The following EXOC1 variants were observed in gnomAD, a reference collection of about 807,000 sequenced individuals.
The protein encoded by EXOC1 is exocyst complex component 1, also known as SEC3-like 1.
A neutral mutation model predicts 107.7 loss-of-function variants in EXOC1; 67 were observed. The ratio of observed to expected loss-of-function variants is 0.62; its 90% CI spans 0.51 to 0.76. EXOC1 has a LOEUF of 0.76. EXOC1 is among the 30% of genes least tolerant of loss of function. EXOC1 has a pLI of 0.00. For missense variants in EXOC1, 833 were observed against 1,055.7 expected, an observed-to-expected ratio of 0.79 and a Z score of 2.92; for synonymous variants, 348 against 353.5, an observed-to-expected ratio of 0.98 and a Z score of 0.17.
intron 2 of EXOC1, 35 bp from the exon 3 acceptor site, chr4:55,860,376 A>G (rs1721361316): frequency 6.2e-7 from 1 of 1,610,624 alleles, no homozygotes; most frequent in Non-Finnish European, 8.5e-7. Context: ...GAAAGGGGTA[A>G]TATTTCTAAT....
In EXOC1 at chr4:55,896,904, A is replaced by G; in HGVS notation, c.2137+4A>G. On this transcript the variant is annotated splice_donor_region_variant and intron_variant, in intron 16 of 18. Transcript: ENST00000381295. ...ATCAGAGGAGTATTTGTTAATGGTAAGCTTTTGTTATGTTCTAAAGAATTG... is the reference window on the plus strand; with the variant it reads ...ATCAGAGGAGTATTTGTTAATGGTAGGCTTTTGTTATGTTCTAAAGAATTG... 1 of 1,579,566 alleles carries G rather than the reference A, an allele frequency of 6.3e-7. No individual in the cohort carries two copies. Among genetic ancestry groups the G allele is most frequent in the Middle Eastern group, 1.7e-4 (1 of 5,960 alleles).
rs371361813 is a variant in EXOC1 at position 55,890,347 on chromosome 4, C to T, written c.1500C>T (p.Ala500=). 4 of 1,613,816 alleles carry T rather than the reference C, an allele frequency of 2.5e-6. No homozygotes were observed. In the African/African-American group the frequency reaches 4.0e-5, roughly 16 times the overall value. Residue 500 remains alanine (A), a synonymous_variant, in exon 12 of 19, where the codon GCC becomes GCT. Transcript: ENST00000381295. Reference sequence around the variant, plus strand: ...TGTTGGATATGGGAAACATGTCTGCCTCTGATCTCGATGTTGCTGACAGGA... The same window carrying T: ...TGTTGGATATGGGAAACATGTCTGCTTCTGATCTCGATGTTGCTGACAGGA... The part of the protein sequence containing the change: ...SSLLDMGNMS[A]SDLDVADRTK...
chr4:55,877,535 A>G, intron 8 of EXOC1: 3 of 985,148 alleles, frequency 3.0e-6, no homozygotes, highest in Non-Finnish European at 3.6e-6. Flanking sequence ...GTTTTGAATG[A>G]TTTCTCTATT....
Position 55,858,345 on chromosome 4 carries a change from T to C in EXOC1, c.22T>C (p.Leu8=). MTAIKHA[L]QRDIFTPNDE... ...AAAGATGACAGCAATCAAGCATGCA[T>C]TACAAAGAGACATTTTTACACCAAA... The change falls in exon 2 of 19, where the codon TTA becomes CTA. Residue 8 remains leucine, a synonymous_variant. Coordinates refer to ENST00000381295, the MANE Select transcript of EXOC1 (RefSeq NM_001024924.2). The C allele has an allele frequency of 6.2e-7, 1 of 1,609,030 alleles. No homozygotes were observed. The highest frequency in any genetic ancestry group is 8.5e-7 in the Non-Finnish European group (1 of 1,177,814).
intron 5 of EXOC1, among the ~76,000 whole-genome samples, chr4:55,868,915 A>G (rs781371657): frequency 1.3e-5 from 2 of 152,232 alleles, no homozygotes; most frequent in Non-Finnish European, 2.9e-5. Flanking sequence ...AAGTATAAAG[A>G]GAGAAATGTG....
rs751607358 is a variant in EXOC1 at position 55,893,544 on chromosome 4, C to G, written c.1725-8C>G. ...TAACTTTATACTTCTTGTCTGTTTT[C>G]TGAACAGGAAAGATATGATCCGCCA... is the stretch of plus-strand genomic sequence containing the variant. On this transcript the variant is annotated splice_polypyrimidine_tract_variant and splice_region_variant and intron_variant, in intron 14 of 18. Transcript: ENST00000381295. The G allele has an allele frequency of 1.2e-6, 2 of 1,609,584 alleles. No homozygotes were observed. Among genetic ancestry groups the G allele is most frequent in the South Asian group, 2.2e-5 (2 of 90,546 alleles).
chr4:55,877,002 A>T, intron 8 of EXOC1: 1 of 985,354 alleles, frequency 1.0e-6, no homozygotes, highest in Non-Finnish European at 1.2e-6. Flanking sequence ...CTAGGCCAGA[A>T]ATGTTTCCTT....
intron 10 of EXOC1, chr4:55,885,748 G>C (rs1723815456): frequency 6.6e-6 from 1 of 152,138 alleles, no homozygotes; most frequent in Non-Finnish European, 1.5e-5. Context: ...TACAGGAGAA[G>C]AAAAACTAAA....
At chr4:55,878,999 GAC>G (rs2110350850) in intron 9 of EXOC1, among the ~76,000 whole-genome samples, 1 of 152,272 alleles carries the variant, frequency 6.6e-6, no homozygotes, top group South Asian at 2.1e-4. Flanking sequence ...CCAAAAGAGA[GAC>G]TCCAACAGCA....
Position 55,888,312 on chromosome 4 carries a change from T to C in EXOC1, c.1331-576T>C, listed in dbSNP as rs1577744494. On this transcript the variant is annotated intron_variant, in intron 10 of 18. Coordinates refer to ENST00000381295, the MANE Select transcript of EXOC1 (RefSeq NM_001024924.2). ...GTGTTATGATATATATCTTTCATTC[T>C]GAGCACTCACAAAGCCAGTGATTAA... Among the ~76,000 whole-genome samples, 2 of 152,326 alleles carry C rather than the reference T, an allele frequency of 1.3e-5. 1 individual carries two copies. Among genetic ancestry groups the C allele is most frequent in the East Asian group, 3.9e-4 (2 of 5,188 alleles).
At position 55,860,373 on chromosome 4, in the gene EXOC1, G is replaced by A. The variant is rs368361990; in HGVS notation, c.125-38G>A. On this transcript the variant is annotated intron_variant, in intron 2 of 18. Coordinates refer to ENST00000381295, the MANE Select transcript of EXOC1 (RefSeq NM_001024924.2). ...AGTGAATGAAGAATGAGTGAAAGGGGTAATATTTCTAATAAAAGTGTGCGT... is the reference window on the plus strand; with the variant it reads ...AGTGAATGAAGAATGAGTGAAAGGGATAATATTTCTAATAAAAGTGTGCGT... The A allele has an allele frequency of 7.5e-5, 120 of 1,609,538 alleles. No individual in the cohort carries two copies. The African/African-American group carries it at 1.4e-3, about 19-fold the overall frequency.
rs1440025443 is a variant in EXOC1, at chr4:55,853,681, G to A, written c.-283G>A. ...CACGTGCCCGGATATAGGAAGTGTT[G>A]GGGGAACGGCCGCTTCCCGTTCAAC... is the stretch of plus-strand genomic sequence containing the variant. On this transcript the variant is annotated 5_prime_UTR_variant, in exon 1 of 19. Coordinates refer to ENST00000381295, the MANE Select transcript of EXOC1 (RefSeq NM_001024924.2). 6.6e-6 allele frequency: 1 copy of A among 152,242 alleles called. No homozygotes were observed. The highest frequency in any genetic ancestry group is 2.4e-5 in the African/African-American group (1 of 41,452). 9.4% of individuals were successfully genotyped at this position (152,242 alleles called of 1,614,324 possible). A position where few individuals can be genotyped will look rare whatever the true frequency, so the allele number is the denominator to read the frequency against.
intron 5 of EXOC1, among the ~76,000 whole-genome samples, chr4:55,869,203 TAA>T (rs879426004): frequency 7.0e-6 from 1 of 143,702 alleles, no homozygotes. Context: ...ACATCTCTAC[TAA>T]AAAAAAAAAA....
Position 55,883,803 on chromosome 4 carries a change from C to A in EXOC1, c.1225-20C>A, listed in dbSNP as rs749766572. 7.0e-7 allele frequency: 1 copy of A among 1,433,702 alleles called. No individual in the cohort carries two copies. The highest frequency in any genetic ancestry group is 9.6e-7 in the Non-Finnish European group (1 of 1,046,676). 88.8% of individuals were successfully genotyped at this position (1,433,702 alleles called of 1,614,324 possible). On this transcript the variant is annotated intron_variant, in intron 9 of 18. Transcript: ENST00000381295. ...ATATGTGTTTTATTAATAAGAAGTA[C>A]ATGTTACTTTTATTTTAAGAATTAC...
At chr4:55,889,040 AT>A in intron 11 of EXOC1, 108 bp downstream of exon 11, 2 of 1,019,884 alleles carry the variant, frequency 2.0e-6, no homozygotes, top group Non-Finnish European at 3.0e-6. Context: ...ATTGCTCTGA[AT>A]TGCCAGGTAT....
At chr4:55,861,037 A>G (rs1235255634) in intron 3 of EXOC1, among the ~76,000 whole-genome samples, 1 of 152,200 alleles carries the variant, frequency 6.6e-6, no homozygotes, top group Non-Finnish European at 1.5e-5. Context: ...ATGAAGATAT[A>G]AACTTACACG....
At chr4:55,896,979 G>C (rs113434476) in intron 16 of EXOC1, 79 bp downstream of exon 16, 3 of 1,194,248 alleles carry the variant, frequency 2.5e-6, no homozygotes, top group African/African-American at 1.6e-5. Flanking sequence ...GGAGCAGATA[G>C]GTTCATTATT....
intron 1 of EXOC1, among the ~76,000 whole-genome samples, chr4:55,856,591 T>C (rs1365979137): frequency 6.6e-6 from 1 of 152,142 alleles, no homozygotes; most frequent in African/African-American, 2.4e-5. Context: ...TCATGATTTC[T>C]TCATTTTCCC....
At chr4:55,898,808 T>G (rs1207855691) in intron 16 of EXOC1, among the ~76,000 whole-genome samples, 1 of 152,226 alleles carries the variant, frequency 6.6e-6, no homozygotes, top group Admixed American at 6.5e-5. Context: ...AATGATTGCA[T>G]AGTCATCCAT....
Sources: allele counts gnomAD v4.1 joint callset (sites outside exome capture counted in the v4.1 genomes callset), GRCh38; gene constraint gnomAD v4.1.1; transcripts MANE v1.5; gene names NCBI Gene and HGNC (gene_info 2026-07-23, HGNC 2026-07-21).